Variants in RBFOX1 observed in about 807,000 individuals in gnomAD.
RBFOX1 encodes the protein RNA binding fox-1 homolog 1.
In RBFOX1, 8 loss-of-function variants were observed where a neutral mutation model predicts 57.7. That is an observed-to-expected ratio of 0.14 (90% CI 0.08 to 0.25). The LOEUF is 0.25. Among genes scored for constraint, RBFOX1 ranks in the 10% least tolerant of loss-of-function variants. The pLI is 1.00. For missense variants in RBFOX1, 611 were observed against 548.5 expected (o/e 1.11, Z -1.14); for synonymous variants, 326 against 222.4 (o/e 1.47, Z -4.15).
chr16:5,827,402 G>GAAAAAAAAA (rs374545272), intron 3 of RBFOX1, among the ~76,000 whole-genome samples: 1 of 100,470 alleles, frequency 1.0e-5, no homozygotes. Flanking sequence ...TCCATCTCAG[G>GAAAAAAAAA]GAAAAAAAAA....
chr16:6,088,652 C>G (rs907070307), intron 1 of RBFOX1, among the ~76,000 whole-genome samples: 1 of 152,142 alleles, frequency 6.6e-6, no homozygotes, highest in Non-Finnish European at 1.5e-5. Context: ...TGAGCACTCA[C>G]ATTTTAATGC....
At chr16:5,823,415 G>A (rs1043536396) in intron 3 of RBFOX1, among the ~76,000 whole-genome samples, 1 of 152,172 alleles carries the variant, frequency 6.6e-6, no homozygotes, top group African/African-American at 2.4e-5. Context: ...AGCATGTGAA[G>A]TGTTCTATTG....
intron 13 of RBFOX1, among the ~76,000 whole-genome samples, chr16:7,668,348 G>A (rs2070132963): frequency 6.6e-6 from 1 of 152,232 alleles, no homozygotes; most frequent in Admixed American, 6.5e-5. Context: ...TCAGAGGAAA[G>A]AGGATTGAAC....
At chr16:6,562,767 T>G (rs1307851687) in intron 2 of RBFOX1, among the ~76,000 whole-genome samples, 1 of 152,040 alleles carries the variant, frequency 6.6e-6, no homozygotes, top group Admixed American at 6.6e-5. Context: ...TTTTTTTCTT[T>G]CTAATTGAGA....
intron 2 of RBFOX1, among the ~76,000 whole-genome samples, chr16:6,559,467 G>C (rs2097150685): frequency 6.6e-6 from 1 of 152,046 alleles, no homozygotes; most frequent in African/African-American, 2.4e-5. Context: ...AAGAGGAGAA[G>C]AGTTTATCCT....
chr16:6,948,640 C>G (rs988572320), intron 3 of RBFOX1, among the ~76,000 whole-genome samples: 1 of 151,894 alleles, frequency 6.6e-6, no homozygotes, highest in African/African-American at 2.4e-5. Flanking sequence ...CCTTGGCCTC[C>G]CAAAGTGCTG....
At chr16:5,442,398 C>T (rs2068111954) in intron 1 of RBFOX1, among the ~76,000 whole-genome samples, 1 of 152,180 alleles carries the variant, frequency 6.6e-6, no homozygotes, top group Admixed American at 6.5e-5. Flanking sequence ...ACTGGAAGCT[C>T]AATGTGAGCC....
chr16:7,158,206 C>T (rs1177078596), intron 4 of RBFOX1, among the ~76,000 whole-genome samples: 3 of 151,954 alleles, frequency 2.0e-5, no homozygotes, highest in East Asian at 1.9e-4. Context: ...ATTAGCCGAG[C>T]GTGCCGGTGG....
chr16:5,925,585 G>T (rs912076209), intron 4 of RBFOX1, among the ~76,000 whole-genome samples: 1 of 152,160 alleles, frequency 6.6e-6, no homozygotes, highest in African/African-American at 2.4e-5. Flanking sequence ...GCATAACATT[G>T]TGAATGTACT....
intron 2 of RBFOX1, among the ~76,000 whole-genome samples, chr16:6,605,800 A>G (rs1023051389): frequency 3.3e-5 from 5 of 152,064 alleles, no homozygotes; most frequent in Admixed American, 1.3e-4. Context: ...GGGAAACTAT[A>G]CTTGAAATAT....
chr16:7,042,831 C>T (rs2046615614), intron 3 of RBFOX1, among the ~76,000 whole-genome samples: 2 of 152,146 alleles, frequency 1.3e-5, no homozygotes, highest in African/African-American at 4.8e-5. Flanking sequence ...GAGGCTGAGG[C>T]AGGAGAATCA....
At chr16:6,879,013 C>T (rs1310435470) in intron 3 of RBFOX1, among the ~76,000 whole-genome samples, 1 of 152,012 alleles carries the variant, frequency 6.6e-6, no homozygotes, top group African/African-American at 2.4e-5. Context: ...TAAGCAAAGC[C>T]CAGATTACTA....
chr16:6,631,030 A>T (rs907161001), intron 2 of RBFOX1, among the ~76,000 whole-genome samples: 3 of 152,204 alleles, frequency 2.0e-5, no homozygotes, highest in Non-Finnish European at 4.4e-5. Context: ...CCAGCTGGAA[A>T]TAAGCAAGAC....
intron 1 of RBFOX1, among the ~76,000 whole-genome samples, chr16:5,355,025 C>T (rs1039264460): frequency 1.3e-5 from 2 of 150,260 alleles, no homozygotes; most frequent in African/African-American, 4.9e-5. Context: ...GAGAGAGGGA[C>T]AGAGATACAG....
intron 3 of RBFOX1, among the ~76,000 whole-genome samples, chr16:5,732,839 G>T (rs1009031418): frequency 1.3e-5 from 2 of 152,118 alleles, no homozygotes; most frequent in South Asian, 2.1e-4. Flanking sequence ...GTCTTCAACC[G>T]TGTCTTCATG....
chr16:7,452,868 C>G (rs974043210), intron 4 of RBFOX1, among the ~76,000 whole-genome samples: 1 of 152,056 alleles, frequency 6.6e-6, no homozygotes, highest in African/African-American at 2.4e-5. Flanking sequence ...GTGGCTCATG[C>G]CCAGAATCCC....
intron 3 of RBFOX1, among the ~76,000 whole-genome samples, chr16:5,815,259 G>C (rs1050346302): frequency 1.4e-5 from 2 of 147,578 alleles, no homozygotes; most frequent in Admixed American, 1.4e-4. Flanking sequence ...CTCCCAAAGT[G>C]CTGGGATTAC....
intron 1 of RBFOX1, among the ~76,000 whole-genome samples, chr16:5,343,816 C>T (rs531427909): frequency 6.6e-6 from 1 of 152,082 alleles, no homozygotes. Flanking sequence ...TATGATGGCA[C>T]CTGTATTCTG....
chr16:6,825,824 A>T (rs952913715), intron 3 of RBFOX1, among the ~76,000 whole-genome samples: 1 of 152,142 alleles, frequency 6.6e-6, no homozygotes, highest in Admixed American at 6.5e-5. Flanking sequence ...CCTGCACAGG[A>T]ACTTGCATCT....
Sources: allele counts gnomAD v4.1 joint callset (sites outside exome capture counted in the v4.1 genomes callset), GRCh38; gene constraint gnomAD v4.1.1; transcripts MANE v1.5; gene names NCBI Gene and HGNC (gene_info 2026-07-23, HGNC 2026-07-21).